MAGI2: variants seen among roughly 807,000 people sequenced by gnomAD.
The protein encoded by MAGI2 is membrane-associated guanylate kinase, WW and PDZ domain-containing protein 2.
Under a neutral mutation model 133.3 loss-of-function variants are expected in MAGI2, and 35 were observed. That is an observed-to-expected ratio of 0.26 (90% CI 0.20 to 0.35). MAGI2 has a LOEUF of 0.35. Among genes scored for constraint, MAGI2 ranks in the 10% least tolerant of loss-of-function variants. MAGI2 has a pLI of 1.00. For synonymous variants in MAGI2, 729 were observed against 710.6 expected, an observed-to-expected ratio of 1.03 and a Z score of -0.41; for missense variants, 1,636 against 1,863.4, an observed-to-expected ratio of 0.88 and a Z score of 2.25.
intron 6 of MAGI2, among the ~76,000 whole-genome samples, chr7:78,458,661 G>T (rs1468117664): frequency 1.4e-5 from 2 of 147,506 alleles, no homozygotes; most frequent in Non-Finnish European, 3.0e-5. Context: ...TTGAGACAGA[G>T]TCTCACTCTG....
intron 12 of MAGI2, among the ~76,000 whole-genome samples, chr7:78,188,391 A>T: frequency 6.6e-6 from 1 of 152,222 alleles, no homozygotes; most frequent in East Asian, 1.9e-4. Context: ...AATTTTTTTC[A>T]CAGATCAAAT....
intron 1 of MAGI2, among the ~76,000 whole-genome samples, chr7:79,328,898 T>C (rs1839880009): frequency 6.6e-6 from 1 of 152,188 alleles, no homozygotes; most frequent in African/African-American, 2.4e-5. Context: ...TTTAATTGAT[T>C]GTATCGCTGG....
rs76552524 is a variant in MAGI2, at chr7:78,841,000, A to G, written c.418+166090T>C. Among the ~76,000 whole-genome samples the G allele has an allele frequency of 2.0e-5, 3 of 151,996 alleles. No individual in the cohort carries two copies. In the East Asian group the frequency reaches 5.8e-4, roughly 29 times the overall value. On this transcript the variant is annotated intron_variant, in intron 2 of 21. Coordinates refer to ENST00000354212, the MANE Select transcript of MAGI2 (RefSeq NM_012301.4). Reference sequence around the variant, plus strand: ...TCGTTATGCCCTCTATTTCTCCTACATTTTCAACTTCTCCATCTTCACTGG... The same window carrying G: ...TCGTTATGCCCTCTATTTCTCCTACGTTTTCAACTTCTCCATCTTCACTGG...
intron 21 of MAGI2, among the ~76,000 whole-genome samples, chr7:78,022,712 T>C (rs529040012): frequency 9.2e-5 from 14 of 152,284 alleles, no homozygotes; most frequent in South Asian, 4.1e-4. Flanking sequence ...AGAGTTCCTA[T>C]CCAGAAAAAT....
chr7:78,823,292 C>T (rs1563547131), intron 2 of MAGI2, among the ~76,000 whole-genome samples: 1 of 151,808 alleles, frequency 6.6e-6, no homozygotes, highest in Non-Finnish European at 1.5e-5. Context: ...GTTTGAAATA[C>T]GACACTGTCG....
intron 10 of MAGI2, among the ~76,000 whole-genome samples, chr7:78,242,237 A>C (rs754361343): frequency 9.2e-5 from 14 of 152,202 alleles, no homozygotes; most frequent in Non-Finnish European, 1.9e-4. Context: ...GACACTTTGC[A>C]CTTTTGGTCT....
At chr7:79,149,318 G>A (rs1357535414) in intron 1 of MAGI2, among the ~76,000 whole-genome samples, 4 of 151,248 alleles carry the variant, frequency 2.6e-5, no homozygotes, top group African/African-American at 4.9e-5. Context: ...AGGTTTTCAC[G>A]CCCTCAATGC....
intron 2 of MAGI2, among the ~76,000 whole-genome samples, chr7:78,979,295 T>A (rs776538631): frequency 2.0e-5 from 3 of 151,742 alleles, no homozygotes; most frequent in Non-Finnish European, 4.4e-5. Flanking sequence ...AGGAATTATA[T>A]AAGACGAGCT....
intron 6 of MAGI2, among the ~76,000 whole-genome samples, chr7:78,378,196 T>C (rs1352746786): frequency 6.6e-6 from 1 of 151,464 alleles, no homozygotes; most frequent in East Asian, 1.9e-4. Flanking sequence ...GCCATGACAA[T>C]AGCCAAGAGA....
chr7:78,915,021 A>G (rs1424427876), intron 2 of MAGI2, among the ~76,000 whole-genome samples: 2 of 152,170 alleles, frequency 1.3e-5, no homozygotes, highest in Admixed American at 1.3e-4. Flanking sequence ...TGCTATTTTC[A>G]AAACATACTT....
chr7:78,691,377 A>G, intron 2 of MAGI2, among the ~76,000 whole-genome samples: 1 of 152,206 alleles, frequency 6.6e-6, no homozygotes, highest in East Asian at 1.9e-4. Context: ...AGGGTCTGGC[A>G]TGCAGTGGAC....
At position 79,280,926 on chromosome 7, in the gene MAGI2, G is replaced by GAAAAA. The variant is rs71095390; in HGVS notation, c.301+172089_301+172093dup. Among the ~76,000 whole-genome samples the GAAAAA allele has an allele frequency of 1.0e-3, 37 of 35,790 alleles. 1 individual carries two copies. The highest frequency in any genetic ancestry group is 2.7e-3 in the Admixed American group (5 of 1,820). 23.5% of individuals were successfully genotyped at this position (35,790 alleles called of 152,430 possible). On this transcript the variant is annotated intron_variant, in intron 1 of 21. Coordinates refer to ENST00000354212, the MANE Select transcript of MAGI2 (RefSeq NM_012301.4). ...GGTGACAGAGCAAGACTCTGTCTCTGAAAAAAAAAAAAAAAAAAAAAAAAA... is the reference window on the plus strand; with the variant it reads ...GGTGACAGAGCAAGACTCTGTCTCTGAAAAAAAAAAAAAAAAAAAAAAAAAAAAAA...
intron 13 of MAGI2, 116 bp downstream of exon 13, chr7:78,185,513 G>T: frequency 1.4e-6 from 1 of 721,726 alleles, no homozygotes; most frequent in South Asian, 3.0e-5. Flanking sequence ...TTATGTAGGT[G>T]ACTAAAGTAG....
chr7:78,881,656 A>G (rs141069931), intron 2 of MAGI2, among the ~76,000 whole-genome samples: 54 of 152,244 alleles, frequency 3.5e-4, no homozygotes, highest in African/African-American at 1.3e-3. Flanking sequence ...ATCTCTCAAA[A>G]CCACACAATT....
chr7:78,570,274 T>C (rs1801372272), intron 3 of MAGI2, among the ~76,000 whole-genome samples: 1 of 152,226 alleles, frequency 6.6e-6, no homozygotes, highest in Admixed American at 6.5e-5. Flanking sequence ...TGCTAAAATC[T>C]GGACTCTGCT....
intron 6 of MAGI2, among the ~76,000 whole-genome samples, chr7:78,481,857 A>G (rs191616070): frequency 6.6e-6 from 1 of 151,936 alleles, no homozygotes; most frequent in Non-Finnish European, 1.5e-5. Flanking sequence ...TAGATTGAAG[A>G]GTTCTTAGAC....
chr7:78,673,514 C>A (rs1422639469), intron 2 of MAGI2, among the ~76,000 whole-genome samples: 2 of 151,972 alleles, frequency 1.3e-5, no homozygotes, highest in African/African-American at 4.8e-5. Context: ...AGCTGGCAGG[C>A]TCCCAGACAC....
At chr7:79,283,973 C>T (rs1012617293) in intron 1 of MAGI2, among the ~76,000 whole-genome samples, 1 of 151,962 alleles carries the variant, frequency 6.6e-6, no homozygotes, top group East Asian at 1.9e-4. Flanking sequence ...TTATAATGGC[C>T]CATTGTATTC....
At chr7:78,596,576 C>T (rs1025110740) in intron 3 of MAGI2, among the ~76,000 whole-genome samples, 6 of 151,916 alleles carry the variant, frequency 3.9e-5, no homozygotes, top group Non-Finnish European at 7.4e-5. Context: ...ATACTTTTTA[C>T]GTGAAAGCTC....
Sources: gnomAD v4.1 joint callset for allele counts (sites outside exome capture counted in the v4.1 genomes callset) on GRCh38, gnomAD v4.1.1 for gene constraint, MANE v1.5 for transcripts, NCBI Gene and HGNC (gene_info 2026-07-23, HGNC 2026-07-21) for gene names.